NFYC: variants seen among roughly 807,000 people sequenced by gnomAD.
NFYC encodes the protein CAAT box DNA-binding protein subunit C.
A neutral mutation model predicts 53.1 loss-of-function variants in NFYC; 25 were observed. The observed-to-expected ratio is 0.47, with a 90% CI of 0.34 to 0.66. The LOEUF (loss-of-function observed/expected upper bound fraction) is 0.66. NFYC is among the 30% of genes least tolerant of loss of function. The pLI, the probability that NFYC is intolerant of heterozygous loss-of-function variation, is 0.01. For synonymous variants in NFYC, 145 were observed against 152.6 expected, an observed-to-expected ratio of 0.95 and a Z score of 0.37; for missense variants, 260 against 422.7, an observed-to-expected ratio of 0.62 and a Z score of 3.38.
chr1:40,700,217 A>G (rs1223912503), intron 1 of NFYC, among the ~76,000 whole-genome samples: 1 of 152,226 alleles, frequency 6.6e-6, no homozygotes, highest in Admixed American at 6.5e-5. Flanking sequence ...CCCAATAACA[A>G]TAATAATAGT....
At chr1:40,743,395 G>A (rs778960997) in intron 2 of NFYC, among the ~76,000 whole-genome samples, 5 of 152,234 alleles carry the variant, frequency 3.3e-5, no homozygotes, top group Non-Finnish European at 5.9e-5. Context: ...ACTTCTTCGT[G>A]TTGAGTTTTG....
At chr1:40,766,123 G>GGGCA (rs1646800015) in intron 7 of NFYC, 1 of 160,860 alleles carries the variant, frequency 6.2e-6, no homozygotes. Flanking sequence ...GTGCAGCATG[G>GGGCA]GGCAGGGCAG....
chr1:40,758,846 G>C (rs995838750), intron 6 of NFYC, among the ~76,000 whole-genome samples: 6 of 152,200 alleles, frequency 3.9e-5, no homozygotes, highest in Non-Finnish European at 8.8e-5. Context: ...ATGTGAGGCT[G>C]CAGAGAACTC....
At chr1:40,709,571 T>G (rs1643871435) in intron 1 of NFYC, 1 of 152,182 alleles carries the variant, frequency 6.6e-6, no homozygotes, top group Non-Finnish European at 1.5e-5. Context: ...ATTCTCCCAG[T>G]CGGTGGAGGT....
chr1:40,765,639 G>A (rs1337597764), intron 7 of NFYC, among the ~76,000 whole-genome samples: 1 of 152,130 alleles, frequency 6.6e-6, no homozygotes, highest in Non-Finnish European at 1.5e-5. Flanking sequence ...CGCAGATAGA[G>A]ACCTAGTCTA....
At chr1:40,711,680 T>C (rs985914418) in intron 1 of NFYC, among the ~76,000 whole-genome samples, 3 of 152,218 alleles carry the variant, frequency 2.0e-5, no homozygotes, top group East Asian at 1.9e-4. Context: ...CAAATGGTAT[T>C]TAACACTTCA....
At chr1:40,712,859 A>ATTTATT (rs1190488547) in intron 1 of NFYC, 3 of 150,770 alleles carry the variant, frequency 2.0e-5, no homozygotes, top group Non-Finnish European at 3.0e-5. Flanking sequence ...TTTTTTATTT[A>ATTTATT]TTTATTTTTA....
chr1:40,748,235 G>T (rs1389210133), intron 3 of NFYC, among the ~76,000 whole-genome samples: 1 of 152,084 alleles, frequency 6.6e-6, no homozygotes. Context: ...AGGCTTAAGT[G>T]ATCTTCCCAC....
chr1:40,703,222 G>C (rs1643528301), intron 1 of NFYC, among the ~76,000 whole-genome samples: 1 of 152,072 alleles, frequency 6.6e-6, no homozygotes, highest in Non-Finnish European at 1.5e-5. Flanking sequence ...GGGTGCAGTG[G>C]CTCACACATA....
chr1:40,747,500 C>T (rs756699633), intron 2 of NFYC, 34 bp from the exon 3 acceptor site: 16 of 1,511,366 alleles, frequency 1.1e-5, no homozygotes, highest in Non-Finnish European at 1.4e-5. Context: ...TTGATTGTCC[C>T]CACCATTTAT....
At chr1:40,693,336 C>A (rs775755820) in intron 1 of NFYC, among the ~76,000 whole-genome samples, 34 of 151,948 alleles carry the variant, frequency 2.2e-4, no homozygotes, top group Non-Finnish European at 4.3e-4. Flanking sequence ...TATTGCTTTA[C>A]ATTTGCTCGT....
rs1036468737 is a variant in NFYC, at chr1:40,735,580, C to A, written c.-8-3256C>A. The A allele has an allele frequency of 9.1e-6, 9 of 985,170 alleles. No homozygotes were observed. The African/African-American group carries it at 1.6e-4, about 17-fold the overall frequency. The allele number at this position is 985,170 out of a possible 1,614,324, so 61.0% of individuals were successfully genotyped here. Reference sequence around the variant, plus strand: ...ATCAGAGGACAGCCAGAATTTGTTACCAGACTTTTAAATCGTACAGGTCTT... The same window carrying A: ...ATCAGAGGACAGCCAGAATTTGTTAACAGACTTTTAAATCGTACAGGTCTT... On this transcript the variant is annotated intron_variant, in intron 1 of 9. Transcript: ENST00000447388.
intron 1 of NFYC, among the ~76,000 whole-genome samples, chr1:40,734,527 A>G (rs1644927284): frequency 6.6e-6 from 1 of 151,724 alleles, no homozygotes; most frequent in South Asian, 2.1e-4. Flanking sequence ...CAGCCAGCTA[A>G]TTTTTGCATT....
At chr1:40,738,795 T>G in intron 1 of NFYC, 41 bp from the exon 2 acceptor site, 1 of 1,430,342 alleles carries the variant, frequency 7.0e-7, no homozygotes, top group African/African-American at 1.4e-5. Flanking sequence ...AAGTCTGACT[T>G]TATTGTTTCT....
chr1:40,718,873 T>C (rs549735782), intron 1 of NFYC, among the ~76,000 whole-genome samples: 4 of 152,236 alleles, frequency 2.6e-5, no homozygotes, highest in Admixed American at 2.6e-4. Flanking sequence ...TTGTTTTGTT[T>C]TGTTTTGTTT....
chr1:40,762,380 C>G (rs1646592094), intron 6 of NFYC, among the ~76,000 whole-genome samples: 1 of 152,172 alleles, frequency 6.6e-6, no homozygotes, highest in South Asian at 2.1e-4. Context: ...CACTAGGGCC[C>G]GCCTTGGAGA....
intron 1 of NFYC, chr1:40,723,564 C>T (rs1644401783): frequency 6.6e-6 from 1 of 152,224 alleles, no homozygotes; most frequent in Non-Finnish European, 1.5e-5. Flanking sequence ...ACCAGCTTCT[C>T]AACTTCTAGT....
intron 1 of NFYC, among the ~76,000 whole-genome samples, chr1:40,710,324 G>T (rs1643890924): frequency 6.6e-6 from 1 of 152,124 alleles, no homozygotes; most frequent in Non-Finnish European, 1.5e-5. Flanking sequence ...TGTGAGCAAA[G>T]TGCTTTCCAT....
Position 40,731,301 on chromosome 1 carries a change from A to C in NFYC, c.-8-7535A>C, listed in dbSNP as rs1570489306. 3.9e-5 allele frequency among the ~76,000 whole-genome samples: 6 copies of C among 151,958 alleles called. No individual in the cohort carries two copies. In the South Asian group the frequency reaches 1.0e-3, roughly 26 times the overall value. The stretch of plus-strand genomic sequence containing the variant: ...GCGATTCTCATGCCTTAGCCTCCCA[A>C]GTAGCTGGGATTACAGGCGCCTGCC... On this transcript the variant is annotated intron_variant, in intron 1 of 9. Coordinates refer to ENST00000447388, the MANE Select transcript of NFYC (RefSeq NM_014223.5).
Sources: gnomAD v4.1 joint callset for allele counts (sites outside exome capture counted in the v4.1 genomes callset) on GRCh38, gnomAD v4.1.1 for gene constraint, MANE v1.5 for transcripts, NCBI Gene and HGNC (gene_info 2026-07-23, HGNC 2026-07-21) for gene names.